AKAP11: variants seen among roughly 807,000 people sequenced by gnomAD.
AKAP11 encodes the protein A-kinase anchor protein 11.
In AKAP11, 36 loss-of-function variants were observed where a neutral mutation model predicts 146.1. That is an observed-to-expected ratio of 0.25 (90% CI 0.19 to 0.33). The LOEUF is 0.33. AKAP11 is among the 10% of genes least tolerant of loss of function. The pLI is 1.00. For missense variants in AKAP11, 2,201 were observed against 2,197.0 expected (o/e 1.00, Z -0.04); for synonymous variants, 780 against 786.5 (o/e 0.99, Z 0.14).
At chr13:42,315,812 TAG>T (rs1960792738) in intron 11 of AKAP11, among the ~76,000 whole-genome samples, 1 of 152,226 alleles carries the variant, frequency 6.6e-6, no homozygotes. Flanking sequence ...TCTGGATTTA[TAG>T]AAAGATTCAA....
At chr13:42,310,359 CAG>C (rs2084912414) in intron 9 of AKAP11, among the ~76,000 whole-genome samples, 2 of 152,144 alleles carry the variant, frequency 1.3e-5, no homozygotes, top group South Asian at 4.1e-4. Flanking sequence ...GTCTCACCTC[CAG>C]AGATGAAGAT....
chr13:42,311,049 G>C (rs1200649012), intron 9 of AKAP11, among the ~76,000 whole-genome samples: 1 of 152,146 alleles, frequency 6.6e-6, no homozygotes, highest in Non-Finnish European at 1.5e-5. Context: ...TATTTAGGTA[G>C]TTTGTTATTC....
At chr13:42,291,272 A>G (rs1298504390) in intron 3 of AKAP11, among the ~76,000 whole-genome samples, 1 of 152,104 alleles carries the variant, frequency 6.6e-6, no homozygotes, top group East Asian at 1.9e-4. Context: ...TTTGTTTTCG[A>G]GACGGAATCT....
intron 1 of AKAP11, among the ~76,000 whole-genome samples, chr13:42,274,599 G>C (rs540070229): frequency 6.6e-6 from 1 of 150,672 alleles, no homozygotes; most frequent in Non-Finnish European, 1.5e-5. Context: ...CACAAGAATC[G>C]CTTGAGCCTG....
At chr13:42,317,419 A>G (rs1482458979) in intron 11 of AKAP11, 109 bp from the exon 12 acceptor site, 17 of 1,171,220 alleles carry the variant, frequency 1.5e-5, no homozygotes, top group South Asian at 3.4e-5. Context: ...TTTTTTCACC[A>G]TTCATTAGAA....
intron 9 of AKAP11, among the ~76,000 whole-genome samples, chr13:42,309,134 T>C (rs1477367296): frequency 6.7e-6 from 1 of 150,138 alleles, no homozygotes; most frequent in East Asian, 1.9e-4. Flanking sequence ...TATAAAAATG[T>C]GATTTTGTAT....
intron 11 of AKAP11, among the ~76,000 whole-genome samples, 155 bp from the exon 12 acceptor site, chr13:42,317,373 G>A (rs752933661): frequency 2.0e-5 from 3 of 152,090 alleles, no homozygotes; most frequent in African/African-American, 4.8e-5. Flanking sequence ...AGAAGTTTTA[G>A]TTGAGGTTAT....
At position 42,322,307 on chromosome 13, in the gene AKAP11, A is replaced by G. The variant is rs1324186695; in HGVS notation, c.*3079A>G. 1.3e-5 allele frequency: 2 copies of G among 152,314 alleles called. No homozygotes were observed. The highest frequency in any genetic ancestry group is 4.8e-5 in the African/African-American group (2 of 41,476). 9.4% of individuals were successfully genotyped at this position (152,314 alleles called of 1,614,324 possible). A position where few individuals can be genotyped will look rare whatever the true frequency, so the allele number is the denominator to read the frequency against. ...AGAGAATTTATTTACTAAATGCACT[A>G]TGTATAAAGTGAAAGATAGTTTACT... On this transcript the variant is annotated 3_prime_UTR_variant, in exon 13 of 13. Coordinates refer to ENST00000025301, the MANE Select transcript of AKAP11 (RefSeq NM_016248.4).
rs147436453 is a variant in AKAP11 at position 42,299,601 on chromosome 13, T to G, written c.855T>G (p.Ser285=). Residue 285 remains serine (S), a synonymous_variant, in exon 8 of 13, where the codon TCT becomes TCG. Transcript: ENST00000025301. The part of the protein sequence containing the change: ...PWTQRSFYRS[S]NASDKDSDLQ... Reference sequence around the variant, plus strand: ...CCCAAAGGAGTTTCTATAGGTCATCTAATGCTTCAGATAAAGATAGTGATT... The same window carrying G: ...CCCAAAGGAGTTTCTATAGGTCATCGAATGCTTCAGATAAAGATAGTGATT... 1 of 1,614,026 alleles carries G rather than the reference T, an allele frequency of 6.2e-7. No homozygotes were observed. Among genetic ancestry groups the G allele is most frequent in the Non-Finnish European group, 8.5e-7 (1 of 1,179,900 alleles).
At chr13:42,275,919 G>T (rs1236164381) in intron 1 of AKAP11, among the ~76,000 whole-genome samples, 1 of 152,172 alleles carries the variant, frequency 6.6e-6, no homozygotes, top group Non-Finnish European at 1.5e-5. Flanking sequence ...AGAGAGGAAG[G>T]AATTTCTGCC....
chr13:42,305,737 C>CTG (rs1484456209), intron 8 of AKAP11, among the ~76,000 whole-genome samples: 1 of 152,072 alleles, frequency 6.6e-6, no homozygotes, highest in Non-Finnish European at 1.5e-5. Flanking sequence ...CCTGTTTGGC[C>CTG]TGTATTAGTT....
At position 42,302,551 on chromosome 13, in the gene AKAP11, A is replaced by G. The variant is rs766072540; in HGVS notation, c.3805A>G (p.Thr1269Ala). 124 of 1,614,076 alleles carry G rather than the reference A, an allele frequency of 7.7e-5. No individual in the cohort carries two copies. The highest frequency in any genetic ancestry group is 1.0e-4 in the Non-Finnish European group (123 of 1,180,034). The change falls in exon 8 of 13, where the codon ACA (threonine) becomes GCA (alanine). Residue 1269 changes from threonine to alanine, a missense_variant. Physicochemically the swap from Thr to Ala is moderately conservative, Grantham distance 58 (BLOSUM62 0). Around this residue, in one of 3 missense-constraint regions of AKAP11, gnomAD observed 1,867 missense variants for 1,833.5 expected, o/e 1.02. Transcript: ENST00000025301. ...GGGTGATCTGGCAGCAGAAGTCATT[A>G]CAGAAGCTGAGAAAATAGCAAAAGT... ...FAGDLAAEVI[T>A]EAEKIAKVRN... is the part of the protein sequence containing the mutation.
chr13:42,274,538 G>A (rs1027332101), intron 1 of AKAP11, among the ~76,000 whole-genome samples: 1 of 152,118 alleles, frequency 6.6e-6, no homozygotes, highest in Non-Finnish European at 1.5e-5. Context: ...TAAAAAATTA[G>A]CCACGTGTTA....
chr13:42,305,637 A>G (rs1234956374), intron 8 of AKAP11, among the ~76,000 whole-genome samples: 2 of 152,194 alleles, frequency 1.3e-5, no homozygotes, highest in South Asian at 2.1e-4. Flanking sequence ...TGCTCATTCA[A>G]TTACACATTT....
chr13:42,306,389 T>A (rs550828997), intron 8 of AKAP11, among the ~76,000 whole-genome samples: 1 of 152,198 alleles, frequency 6.6e-6, no homozygotes, highest in East Asian at 1.9e-4. Flanking sequence ...CTAAAGTTTT[T>A]AAGACATCAC....
intron 1 of AKAP11, among the ~76,000 whole-genome samples, chr13:42,281,617 AAACTC>A (rs1330032243): frequency 6.6e-6 from 1 of 152,174 alleles, no homozygotes; most frequent in Non-Finnish European, 1.5e-5. Flanking sequence ...GAAAAGTACA[AAACTC>A]AACATACATA....
At position 42,320,359 on chromosome 13, in the gene AKAP11, A is replaced by C. The variant is rs902936354; in HGVS notation, c.*1131A>C. On this transcript the variant is annotated 3_prime_UTR_variant, in exon 13 of 13. Transcript: ENST00000025301. ...AAACTATATCTACACTGTCTCGTCA[A>C]GTTCTCTGACACGATCTTTCTGGGC... 2.1e-5 allele frequency: 3 copies of C among 141,846 alleles called. No homozygotes were observed. In the East Asian group the frequency reaches 6.5e-4, roughly 31 times the overall value. 8.8% of individuals were successfully genotyped at this position (141,846 alleles called of 1,614,324 possible). A position where few individuals can be genotyped will look rare whatever the true frequency, so the allele number is the denominator to read the frequency against.
intron 1 of AKAP11, among the ~76,000 whole-genome samples, chr13:42,279,307 G>T (rs1394646160): frequency 6.6e-6 from 1 of 151,172 alleles, no homozygotes; most frequent in African/African-American, 2.4e-5. Flanking sequence ...TCACTCACTC[G>T]CTTACTCACT....
intron 1 of AKAP11, among the ~76,000 whole-genome samples, chr13:42,281,159 A>C (rs1790966695): frequency 6.6e-6 from 1 of 152,216 alleles, no homozygotes; most frequent in Admixed American, 6.5e-5. Context: ...GAAAAACTAA[A>C]TAAAATGAGA....
Sources: allele counts gnomAD v4.1 joint callset (sites outside exome capture counted in the v4.1 genomes callset), GRCh38; gene constraint gnomAD v4.1.1; regional missense constraint gnomAD v4.1.1; transcripts MANE v1.5; gene names NCBI Gene and HGNC (gene_info 2026-07-23, HGNC 2026-07-21).